The following DCHS2 variants were observed in gnomAD, a reference collection of about 807,000 sequenced individuals.
DCHS2 encodes the protein dachsous cadherin-related 2.
In DCHS2, 142 loss-of-function variants were observed where a neutral mutation model predicts 182.4. The observed-to-expected ratio is 0.78, with a 90% CI of 0.68 to 0.89. The LOEUF (loss-of-function observed/expected upper bound fraction) is 0.89, where lower values mean the gene tolerates loss of function less well. DCHS2 is among the 40% of genes least tolerant of loss of function. The pLI is 0.00. For missense variants in DCHS2, 4,319 were observed against 4,198.6 expected, an observed-to-expected ratio of 1.03 and a Z score of -0.79; for synonymous variants, 1,740 against 1,663.3, an observed-to-expected ratio of 1.05 and a Z score of -1.12.
intron 1 of DCHS2, 44 bp downstream of exon 1, chr4:154,489,260 C>G (rs1381735360): frequency 7.0e-7 from 1 of 1,426,008 alleles, no homozygotes; most frequent in Non-Finnish European, 9.3e-7. Context: ...CCTCTCCATC[C>G]CTTCCCAAGC....
intron 1 of DCHS2, among the ~76,000 whole-genome samples, chr4:154,433,395 C>CCTTTT (rs1364776212): frequency 9.6e-6 from 1 of 103,866 alleles, no homozygotes; most frequent in Non-Finnish European, 1.9e-5. Context: ...TTTTTTTTTC[C>CCTTTT]TTTTTTTTTT....
chr4:154,437,333 C>G (rs1428107656), intron 1 of DCHS2, among the ~76,000 whole-genome samples: 1 of 152,166 alleles, frequency 6.6e-6, no homozygotes, highest in East Asian at 1.9e-4. Flanking sequence ...ACTCCTACCA[C>G]TAACCACTCT....
In DCHS2 at chr4:154,297,890, G is replaced by A; in HGVS notation, c.6424C>T (p.His2142Tyr). The change falls in exon 13 of 20, where the codon CAC (histidine) becomes TAC (tyrosine). Residue 2142 changes from histidine to tyrosine, a missense_variant. Coordinates refer to ENST00000357232, the MANE Select transcript of DCHS2 (RefSeq NM_001358235.2). ...GEDVKISFSH[H>Y]LYKGLVTENC... ...TCAGTCACGAGCCCTTTATACAGGT[G>A]GTGGCTGAAGGAAATCTTTACATCT... The A allele has an allele frequency of 6.2e-7, 1 of 1,613,952 alleles. No individual in the cohort carries two copies. Among genetic ancestry groups the A allele is most frequent in the South Asian group, 1.1e-5 (1 of 91,056 alleles).
intron 13 of DCHS2, among the ~76,000 whole-genome samples, chr4:154,295,950 A>G (rs982994702): frequency 6.6e-6 from 1 of 152,234 alleles, no homozygotes; most frequent in Non-Finnish European, 1.5e-5. Flanking sequence ...TGTATTGTAC[A>G]ATAGTAAATA....
At chr4:154,476,716 A>T (rs1735698097) in intron 1 of DCHS2, among the ~76,000 whole-genome samples, 1 of 152,248 alleles carries the variant, frequency 6.6e-6, no homozygotes, top group African/African-American at 2.4e-5. Context: ...GCTTATAATG[A>T]GCAGGGAAGC....
Position 154,489,543 on chromosome 4 carries a change from A to G in DCHS2, c.1813T>C (p.Ser605Pro). 6.4e-7 allele frequency: 1 copy of G among 1,551,624 alleles called. No homozygotes were observed. The highest frequency in any genetic ancestry group is 8.7e-7 in the Non-Finnish European group (1 of 1,146,976). ...CCGCTTTCGGAATCAATGGCAAAAG[A>G]TGGTCCACACTCTGCGGTGTGGACC... ...KMVHTAECGP[S>P]FAIDSESGAI... is the part of the protein sequence containing the mutation. The change falls in exon 1 of 20, where the codon TCT becomes CCT. Residue 605 changes from serine to proline, a missense_variant. Ser to Pro is a moderately conservative substitution (Grantham distance 74). Transcript: ENST00000357232.
In DCHS2 at chr4:154,316,887, G is replaced by T. The variant is rs80124849; in HGVS notation, c.5021-900C>A. The stretch of plus-strand genomic sequence containing the variant: ...CCATTTAAGCATATAAACCACATAA[G>T]TCAGATGTAATACATACTGGCACAC... On this transcript the variant is annotated intron_variant, in intron 9 of 19. Transcript: ENST00000357232. Among the ~76,000 whole-genome samples, 198 of 152,284 alleles carry T rather than the reference G, an allele frequency of 1.3e-3. 1 individual carries two copies. The highest frequency in any genetic ancestry group is 6.8e-3 in the Middle Eastern group (2 of 294).
intron 1 of DCHS2, among the ~76,000 whole-genome samples, chr4:154,428,469 T>A (rs1236959581): frequency 1.3e-5 from 2 of 150,880 alleles, no homozygotes; most frequent in East Asian, 3.9e-4. Context: ...AGTCTAGGAG[T>A]TCGAGGCTGC....
chr4:154,416,415 T>C (rs1394679148), intron 1 of DCHS2, among the ~76,000 whole-genome samples: 1 of 152,186 alleles, frequency 6.6e-6, no homozygotes, highest in Admixed American at 6.5e-5. Context: ...ACATCTTTTC[T>C]TTTTCTTTTC....
At chr4:154,436,651 T>A (rs999257316) in intron 1 of DCHS2, among the ~76,000 whole-genome samples, 2 of 152,224 alleles carry the variant, frequency 1.3e-5, no homozygotes, top group African/African-American at 4.8e-5. Flanking sequence ...TTGGCTCGTA[T>A]ACATGAAGTA....
chr4:154,465,495 C>G (rs572781560), intron 1 of DCHS2, among the ~76,000 whole-genome samples: 1 of 152,164 alleles, frequency 6.6e-6, no homozygotes, highest in South Asian at 2.1e-4. Context: ...ATCGTGAAAC[C>G]CTGTCTCTAC....
chr4:154,491,058 C>A lies in DCHS2; in HGVS notation c.298G>T (p.Gly100Cys). The change falls in exon 1 of 20, where the codon GGC (glycine) becomes TGC (cysteine). Residue 100 changes from glycine to cysteine, a missense_variant. Gly to Cys is a radical substitution (Grantham distance 159, BLOSUM62 -3). Coordinates refer to ENST00000357232, the MANE Select transcript of DCHS2 (RefSeq NM_001358235.2). ...LPAAQQQEGSGFFLSEDSDDS... is the reference protein window; with the variant it reads ...LPAAQQQEGSCFFLSEDSDDS... ...TCGGAGTCCTCCGACAGAAAGAAGCCGCTCCCCTCCTGCTGCTGCGCGGCC... is the reference window on the plus strand; with the variant it reads ...TCGGAGTCCTCCGACAGAAAGAAGCAGCTCCCCTCCTGCTGCTGCGCGGCC... 1 of 1,551,192 alleles carries A rather than the reference C, an allele frequency of 6.4e-7. No individual in the cohort carries two copies. The highest frequency in any genetic ancestry group is 8.7e-7 in the Non-Finnish European group (1 of 1,146,922).
At chr4:154,474,337 T>C (rs1205934670) in intron 1 of DCHS2, among the ~76,000 whole-genome samples, 3 of 152,164 alleles carry the variant, frequency 2.0e-5, no homozygotes, top group Non-Finnish European at 2.9e-5. Context: ...CAGAATCCCC[T>C]TTCAAGCCCA....
At chr4:154,413,640 G>A (rs899215815) in intron 1 of DCHS2, among the ~76,000 whole-genome samples, 14 of 152,152 alleles carry the variant, frequency 9.2e-5, no homozygotes, top group African/African-American at 3.4e-4. Context: ...TTAGGCCAAT[G>A]GGGGAGCCAG....
rs146324429 is a variant in DCHS2 at position 154,361,339 on chromosome 4, A to G, written c.2476+4871T>C. Among the ~76,000 whole-genome samples, 223 of 152,302 alleles carry G rather than the reference A, an allele frequency of 1.5e-3. 1 individual carries two copies. Among genetic ancestry groups the G allele is most frequent in the African/African-American group, 5.1e-3 (212 of 41,578 alleles). On this transcript the variant is annotated intron_variant, in intron 3 of 19. Coordinates refer to ENST00000357232, the MANE Select transcript of DCHS2 (RefSeq NM_001358235.2). ...CCCTGAATCTAAAATAAAAGTTGAA[A>G]AAAAAGTAGTTTCTTCCAGTGTAAA...
intron 1 of DCHS2, among the ~76,000 whole-genome samples, chr4:154,417,560 T>G (rs2110906927): frequency 6.6e-6 from 1 of 152,312 alleles, no homozygotes; most frequent in South Asian, 2.1e-4. Context: ...CTGAGCTGTT[T>G]CAGAAATCAA....
chr4:154,257,672 T>G (rs1435362940), intron 15 of DCHS2, among the ~76,000 whole-genome samples: 1 of 152,090 alleles, frequency 6.6e-6, no homozygotes, highest in Non-Finnish European at 1.5e-5. Flanking sequence ...TTGAGCAATG[T>G]GGGGTCAAAA....
intron 1 of DCHS2, among the ~76,000 whole-genome samples, chr4:154,449,742 A>C (rs1033606181): frequency 6.6e-6 from 1 of 152,216 alleles, no homozygotes; most frequent in Non-Finnish European, 1.5e-5. Flanking sequence ...AAGGAGTTTT[A>C]TATTGTTAAA....
rs757187063 is a variant in DCHS2, at chr4:154,304,870, G to A, written c.5404C>T (p.Arg1802Ter). ...GACAATGAAGGGAATCCCCCATCTC[G>A]TACTAGTACTGACACAGAACACAAA... Reference protein sequence around the residue: ...QEVFTLRVLVRDGGFPSLSST... With the variant: ...QEVFTLRVLV The change falls in exon 12 of 20, where the codon CGA becomes TGA. Residue 1802 changes from arginine to a stop codon, truncating the protein, a stop_gained. Transcript: ENST00000357232. LOFTEE classifies it high-confidence loss of function. 41 of 1,608,618 alleles carry A rather than the reference G, an allele frequency of 2.5e-5. 1 individual carries two copies. Among genetic ancestry groups the A allele is most frequent in the South Asian group, 1.8e-4 (16 of 89,840 alleles).
Sources: allele counts gnomAD v4.1 joint callset (sites outside exome capture counted in the v4.1 genomes callset), GRCh38; gene constraint gnomAD v4.1.1; transcripts MANE v1.5; gene names NCBI Gene and HGNC (gene_info 2026-07-23, HGNC 2026-07-21).